The following SMG7 variants were observed in gnomAD, a reference collection of about 807,000 sequenced individuals.
The protein encoded by SMG7 is nonsense-mediated mRNA decay factor SMG7.
A neutral mutation model predicts 148.2 loss-of-function variants in SMG7; 34 were observed. That is an observed-to-expected ratio of 0.23 (90% CI 0.17 to 0.31). SMG7 has a LOEUF of 0.31. SMG7 is among the 10% of genes least tolerant of loss of function. The pLI is 1.00. For missense variants in SMG7, 1,114 were observed against 1,408.4 expected, an observed-to-expected ratio of 0.79 and a Z score of 3.35; for synonymous variants, 492 against 515.1, an observed-to-expected ratio of 0.96 and a Z score of 0.61.
chr1:183,506,674 A>T (rs1194883744), intron 1 of SMG7, among the ~76,000 whole-genome samples: 1 of 151,016 alleles, frequency 6.6e-6, no homozygotes, highest in South Asian at 2.1e-4. Flanking sequence ...AAAACACGAA[A>T]AAACTCCCAG....
Position 183,533,274 on chromosome 1 carries a change from C to A in SMG7, c.954C>A (p.His318Gln), listed in dbSNP as rs1173038338. ...ACTTTAGCAATGAAACCGAGCAGCA[C>A]ACTTATAGCCAAGATGAGCAGCTAT... is the stretch of plus-strand genomic sequence containing the variant. Reference protein sequence around the residue: ...LRDFSNETEQHTYSQDEQLCW... With the variant: ...LRDFSNETEQQTYSQDEQLCW... The change falls in exon 9 of 23, where the codon CAC becomes CAA. Residue 318 changes from histidine (H) to glutamine (Q), a missense_variant. Transcript: ENST00000688051. 6.2e-7 allele frequency: 1 copy of A among 1,613,966 alleles called. No homozygotes were observed. The highest frequency in any genetic ancestry group is 8.5e-7 in the Non-Finnish European group (1 of 1,179,866).
In SMG7 at chr1:183,545,266, T is replaced by C; in HGVS notation, c.2324T>C (p.Val775Ala). The C allele has an allele frequency of 1.2e-6, 2 of 1,613,166 alleles. No individual in the cohort carries two copies. The highest frequency in any genetic ancestry group is 1.1e-5 in the South Asian group (1 of 91,078). ...CAACAACAATCCCCTACAAAAGCTG[T>C]GCCGGCTTTGGGGAAAAGCCCGCCT... ...TQQQQSPTKA[V>A]PALGKSPPHH... Residue 775 changes from valine (V) to alanine (A), a missense_variant, in exon 16 of 23, where the codon GTG becomes GCG. Val to Ala is a moderately conservative substitution (Grantham distance 64, BLOSUM62 0). Transcript: ENST00000688051.
chr1:183,552,646 G>A lies in SMG7; in HGVS notation c.*715G>A. 3.6e-6 allele frequency: 4 copies of A among 1,097,316 alleles called. No individual in the cohort carries two copies. The highest frequency in any genetic ancestry group is 4.5e-6 in the Non-Finnish European group (4 of 897,446). 68.0% of individuals were successfully genotyped at this position (1,097,316 alleles called of 1,614,324 possible). On this transcript the variant is annotated 3_prime_UTR_variant, in exon 23 of 23. Transcript: ENST00000688051. ...AGGGAATGCCCTTCACTCTGTAGGTGCTCGAGCCCCAATCGAGGATACAGT... is the reference window on the plus strand; with the variant it reads ...AGGGAATGCCCTTCACTCTGTAGGTACTCGAGCCCCAATCGAGGATACAGT...
intron 1 of SMG7, among the ~76,000 whole-genome samples, chr1:183,487,614 T>C (rs1655801815): frequency 6.6e-6 from 1 of 152,236 alleles, no homozygotes. Flanking sequence ...TTGTGTCAGT[T>C]ACTTTGCATC....
chr1:183,514,936 A>G lies in SMG7; in HGVS notation c.62-938A>G, dbSNP rs1269459970. On this transcript the variant is annotated intron_variant, in intron 2 of 22. Coordinates refer to ENST00000688051, the MANE Select transcript of SMG7 (RefSeq NM_001375584.1). ...TAGATGCTAATAGCAAACCTAAAGA[A>G]GAGTGATGATTATTCCATTGTGTAG... Among the ~76,000 whole-genome samples the G allele has an allele frequency of 3.3e-5, 5 of 152,346 alleles. No homozygotes were observed. The East Asian group carries it at 9.6e-4, about 29-fold the overall frequency.
At chr1:183,546,964 C>T (rs1281501479) in intron 17 of SMG7, 139 bp from the exon 18 acceptor site, 3 of 791,264 alleles carry the variant, frequency 3.8e-6, no homozygotes, top group South Asian at 2.2e-5. Context: ...CATTTCAGAG[C>T]GTTTTTTCTC....
chr1:183,492,501 T>G (rs1033772799), intron 1 of SMG7, among the ~76,000 whole-genome samples: 1 of 152,202 alleles, frequency 6.6e-6, no homozygotes, highest in Non-Finnish European at 1.5e-5. Context: ...AAGTTCTCTA[T>G]TTTTTGGGAA....
chr1:183,512,901 AT>A, intron 2 of SMG7, 33 bp downstream of exon 2: 1 of 1,542,750 alleles, frequency 6.5e-7, no homozygotes, highest in Admixed American at 2.0e-5. Flanking sequence ...TTCACAACAT[AT>A]TTTATATATT....
chr1:183,552,096 G>T lies in SMG7; in HGVS notation c.*165G>T, dbSNP rs998829004. 5 of 1,311,226 alleles carry T rather than the reference G, an allele frequency of 3.8e-6. No homozygotes were observed. The African/African-American group carries it at 7.5e-5, about 20-fold the overall frequency. The allele number at this position is 1,311,226 out of a possible 1,614,324, so 81.2% of individuals were successfully genotyped here. A position where few individuals can be genotyped will look rare whatever the true frequency, so the allele number is the denominator to read the frequency against. On this transcript the variant is annotated 3_prime_UTR_variant, in exon 23 of 23. Transcript: ENST00000688051. ...CCCGCTGAGTGTGCACGAAATGTTC[G>T]CAGTGCAACAAAAAGAAAAATCCAT...
At chr1:183,492,559 T>C (rs2102222171) in intron 1 of SMG7, among the ~76,000 whole-genome samples, 1 of 152,348 alleles carries the variant, frequency 6.6e-6, no homozygotes, top group Non-Finnish European at 1.5e-5. Context: ...AATTTTAAAA[T>C]AGCCTGCCAG....
intron 1 of SMG7, among the ~76,000 whole-genome samples, chr1:183,479,860 G>C (rs888730175): frequency 1.3e-5 from 2 of 152,042 alleles, no homozygotes; most frequent in Non-Finnish European, 2.9e-5. Flanking sequence ...AAGATGGATG[G>C]GATTTTAATA....
At chr1:183,472,698 G>T in intron 1 of SMG7, 49 bp downstream of exon 1, 1 of 1,433,184 alleles carries the variant, frequency 7.0e-7, no homozygotes, top group Non-Finnish European at 9.2e-7. Context: ...GCCGCAGGTT[G>T]GGGCATGGAG....
At chr1:183,512,808 C>CTTTTTTTTTTTTTTTTTTT in intron 1 of SMG7, 29 bp from the exon 2 acceptor site, 1 of 1,278,636 alleles carries the variant, frequency 7.8e-7, no homozygotes, top group East Asian at 2.8e-5. Flanking sequence ...AACTGATACT[C>CTTTTTTTTTTTTTTTTTTT]TTTTTTTTTT....
intron 4 of SMG7, among the ~76,000 whole-genome samples, chr1:183,524,659 C>A (rs1665464475): frequency 1.3e-5 from 2 of 152,024 alleles, no homozygotes; most frequent in Non-Finnish European, 2.9e-5. Flanking sequence ...GTGATAGAAT[C>A]AAAATATTTC....
chr1:183,502,546 A>G (rs1435699504), intron 1 of SMG7, among the ~76,000 whole-genome samples: 1 of 152,188 alleles, frequency 6.6e-6, no homozygotes, highest in Non-Finnish European at 1.5e-5. Context: ...TTTATTATTT[A>G]TGTGACTTCT....
chr1:183,505,245 A>T (rs1660642543), intron 1 of SMG7, among the ~76,000 whole-genome samples: 1 of 152,236 alleles, frequency 6.6e-6, no homozygotes, highest in African/African-American at 2.4e-5. Context: ...ATCCTGATAT[A>T]ATCTTTTCTC....
At chr1:183,533,460 A>C in intron 9 of SMG7, 134 bp downstream of exon 9, 1 of 1,025,172 alleles carries the variant, frequency 9.8e-7, no homozygotes, top group African/African-American at 1.6e-5. Flanking sequence ...GTTCATAATA[A>C]CTTTCAACCC....
In SMG7 at chr1:183,495,036, C is replaced by G. The variant is rs559612244; in HGVS notation, c.30-17801C>G. 1.2e-4 allele frequency among the ~76,000 whole-genome samples: 19 copies of G among 152,098 alleles called. No homozygotes were observed. In the South Asian group the frequency reaches 3.1e-3, roughly 25 times the overall value. ...TAGAGACAGGGTTTCACTATGTTGG[C>G]CAGGCTGGTCTCCAACTCCTGACCT... On this transcript the variant is annotated intron_variant, in intron 1 of 22. Transcript: ENST00000688051.
rs1468680371 is a variant in SMG7 at position 183,552,713 on chromosome 1, T to G, written c.*782T>G. Reference sequence around the variant, plus strand: ...GGCTGGACTAGCAGGTAGACTGCTGTAGGATTTCAAATTACGTTTTTGATT... The same window carrying G: ...GGCTGGACTAGCAGGTAGACTGCTGGAGGATTTCAAATTACGTTTTTGATT... On this transcript the variant is annotated 3_prime_UTR_variant, in exon 23 of 23. Coordinates refer to ENST00000688051, the MANE Select transcript of SMG7 (RefSeq NM_001375584.1). 7.8e-7 allele frequency: 1 copy of G among 1,286,078 alleles called. No homozygotes were observed. Among genetic ancestry groups the G allele is most frequent in the East Asian group, 3.4e-5 (1 of 29,090 alleles). The allele number at this position is 1,286,078 out of a possible 1,614,324, so 79.7% of individuals were successfully genotyped here.
Sources: allele counts gnomAD v4.1 joint callset (sites outside exome capture counted in the v4.1 genomes callset), GRCh38; gene constraint gnomAD v4.1.1; transcripts MANE v1.5; gene names NCBI Gene and HGNC (gene_info 2026-07-23, HGNC 2026-07-21).